HOMER2: variants seen among roughly 807,000 people sequenced by gnomAD.
HOMER2 encodes the protein homer protein homolog 2.
HOMER2 carries 27 observed loss-of-function variants against 47.0 expected under a neutral mutation model. That is an observed-to-expected ratio of 0.57 (90% CI 0.42 to 0.79). The LOEUF is 0.79. HOMER2 is among the 30% of genes least tolerant of loss of function. The pLI, the probability that HOMER2 is intolerant of heterozygous loss-of-function variation, is 0.00. For missense variants in HOMER2, 443 were observed against 435.0 expected, an observed-to-expected ratio of 1.02 and a Z score of -0.16; for synonymous variants, 161 against 163.8, an observed-to-expected ratio of 0.98 and a Z score of 0.13.
At chr15:82,871,635 T>C (rs2052178288) in intron 3 of HOMER2, among the ~76,000 whole-genome samples, 2 of 152,236 alleles carry the variant, frequency 1.3e-5, no homozygotes, top group Non-Finnish European at 2.9e-5. Context: ...TTTGTGACGA[T>C]GGAGGTTGTG....
At chr15:82,904,683 G>A (rs372941132) in intron 1 of HOMER2, among the ~76,000 whole-genome samples, 27 of 152,218 alleles carry the variant, frequency 1.8e-4, no homozygotes, top group African/African-American at 6.3e-4. Context: ...CTACTTAAGC[G>A]GAGAGAAAAT....
chr15:82,978,266 C>A (rs1318972170), intron 1 of HOMER2, among the ~76,000 whole-genome samples: 2 of 152,224 alleles, frequency 1.3e-5, no homozygotes, highest in Non-Finnish European at 2.9e-5. Flanking sequence ...ATGTGAAAGA[C>A]ATGGCCTTAC....
intron 1 of HOMER2, among the ~76,000 whole-genome samples, chr15:82,943,380 A>G (rs2054305360): frequency 6.6e-6 from 1 of 152,208 alleles, no homozygotes; most frequent in Non-Finnish European, 1.5e-5. Context: ...GTCTACGCTC[A>G]GTCCACTTGG....
chr15:82,940,956 CCT>C (rs1364761745), intron 1 of HOMER2, among the ~76,000 whole-genome samples: 1 of 152,000 alleles, frequency 6.6e-6, no homozygotes, highest in Non-Finnish European at 1.5e-5. Flanking sequence ...CATATGTTTT[CCT>C]CTTTTACAGT....
chr15:82,868,541 A>ATATATATATATATATATATTTTTTT, intron 3 of HOMER2, among the ~76,000 whole-genome samples: 1 of 71,290 alleles, frequency 1.4e-5, no homozygotes, highest in Middle Eastern at 8.6e-3. Context: ...ATATATATAT[A>ATATATATATATATATATATTTTTTT]TTTTTTTTTT....
chr15:82,880,235 T>A (rs975108325), intron 2 of HOMER2, among the ~76,000 whole-genome samples: 1 of 152,206 alleles, frequency 6.6e-6, no homozygotes, highest in Non-Finnish European at 1.5e-5. Flanking sequence ...GAGTCAAATA[T>A]CTGCAGCAGA....
At chr15:82,857,970 G>A (rs2051643489) in intron 5 of HOMER2, among the ~76,000 whole-genome samples, 1 of 152,208 alleles carries the variant, frequency 6.6e-6, no homozygotes. Flanking sequence ...TATGGGGATT[G>A]TGTTACATTT....
downstream of HOMER2, chr15:82,835,335 A>G (rs549044976): frequency 7.9e-5 from 12 of 152,346 alleles, no homozygotes; most frequent in African/African-American, 2.9e-4. Flanking sequence ...CCATGTTGGC[A>G]GGATGGTCTC....
intron 1 of HOMER2, among the ~76,000 whole-genome samples, chr15:82,909,829 T>G (rs1407520604): frequency 6.6e-6 from 1 of 152,022 alleles, no homozygotes; most frequent in African/African-American, 2.4e-5. Context: ...CAGTTACATA[T>G]CATATTAAAA....
At chr15:82,859,194 C>T (rs548355216) in intron 4 of HOMER2, 59 bp from the exon 5 acceptor site, 14 of 1,609,654 alleles carry the variant, frequency 8.7e-6, no homozygotes, top group African/African-American at 4.0e-5. Flanking sequence ...TATCTTCACA[C>T]GTTATTGCTT....
At chr15:82,967,722 C>T (rs2054687812) in intron 1 of HOMER2, among the ~76,000 whole-genome samples, 1 of 152,002 alleles carries the variant, frequency 6.6e-6, no homozygotes, top group South Asian at 2.1e-4. Context: ...ACTAAAAATA[C>T]AAAAATTAGC....
chr15:82,841,861 G>A (rs1301972579), exon 2 of HOMER2: 2 of 152,156 alleles, frequency 1.3e-5, no homozygotes, highest in Non-Finnish European at 1.5e-5. Flanking sequence ...GACATAGGAA[G>A]ATCTATTGCA....
chr15:82,929,384 G>A (rs79238447), intron 1 of HOMER2, among the ~76,000 whole-genome samples: 20,611 of 152,000 alleles, frequency 0.14, 1,693 homozygotes, highest in East Asian at 0.44. Flanking sequence ...GGCCAGGCAC[G>A]GTGGCTCACG....
At chr15:82,900,986 G>A (rs1260691589) in intron 1 of HOMER2, among the ~76,000 whole-genome samples, 1 of 152,184 alleles carries the variant, frequency 6.6e-6, no homozygotes, top group Non-Finnish European at 1.5e-5. Flanking sequence ...AAGTGCCGCT[G>A]ATGAATGCTG....
intron 5 of HOMER2, among the ~76,000 whole-genome samples, chr15:82,855,378 AC>A (rs148529107): frequency 0.021 from 3,139 of 151,510 alleles, 109 homozygotes; most frequent in African/African-American, 0.068. Context: ...GAATGAAGAG[AC>A]AAAGCTAGGC....
chr15:82,939,769 G>C (rs147314891), intron 1 of HOMER2, among the ~76,000 whole-genome samples: 25 of 152,340 alleles, frequency 1.6e-4, no homozygotes, highest in Non-Finnish European at 2.9e-4. Context: ...GTAGGCTACT[G>C]AATCTCTTAA....
chr15:82,860,040 G>A (rs947546672), intron 4 of HOMER2, among the ~76,000 whole-genome samples: 5 of 152,056 alleles, frequency 3.3e-5, no homozygotes, highest in Non-Finnish European at 7.4e-5. Flanking sequence ...CTGAGGCCAG[G>A]AGTTTGACAC....
intron 1 of HOMER2, among the ~76,000 whole-genome samples, chr15:82,961,666 A>T (rs1011842624): frequency 2.0e-5 from 3 of 152,150 alleles, no homozygotes; most frequent in Non-Finnish European, 4.4e-5. Context: ...TTACCATTTT[A>T]ATCCTTTTTA....
intron 1 of HOMER2, among the ~76,000 whole-genome samples, chr15:82,977,166 G>GA (rs948390154): frequency 7.9e-5 from 12 of 151,108 alleles, no homozygotes; most frequent in South Asian, 4.2e-4. Flanking sequence ...GCAAAATGCT[G>GA]AAAAAAAAAG....
Sources: allele counts gnomAD v4.1 joint callset (sites outside exome capture counted in the v4.1 genomes callset), GRCh38; gene constraint gnomAD v4.1.1; transcripts MANE v1.5; gene names NCBI Gene and HGNC (gene_info 2026-07-23, HGNC 2026-07-21).